Variants in RABGGTB observed in about 807,000 individuals in gnomAD.
RABGGTB encodes Rab geranylgeranyltransferase subunit beta.
In RABGGTB, 20 loss-of-function variants were observed where a neutral mutation model predicts 44.5. That is an observed-to-expected ratio of 0.45 (90% confidence interval 0.32 to 0.65). The LOEUF is 0.65. RABGGTB is among the 30% of genes least tolerant of loss of function. The pLI, the probability that RABGGTB is intolerant of heterozygous loss-of-function variation, is 0.05. For missense variants in RABGGTB, 302 were observed against 398.7 expected (o/e 0.76, Z 2.06); for synonymous variants, 128 against 136.7 (o/e 0.94, Z 0.44).
chr1:75,790,428 A>C (rs1025354082), intron 4 of RABGGTB: 30 of 1,114,130 alleles, frequency 2.7e-5, no homozygotes, highest in Non-Finnish European at 3.1e-5. Context: ...TGATAAACGT[A>C]GATAATCTCT....
At chr1:75,788,170 ATACTC>A (rs1649547135) in intron 2 of RABGGTB, 1 of 281,582 alleles carries the variant, frequency 3.6e-6, no homozygotes, top group Non-Finnish European at 7.1e-6. Flanking sequence ...AACCTTGAAA[ATACTC>A]TATTAGCAAT....
chr1:75,790,079 T>C (rs1390711310), intron 4 of RABGGTB, 22 bp downstream of exon 4: 2 of 1,610,064 alleles, frequency 1.2e-6, no homozygotes, highest in Admixed American at 1.7e-5. Context: ...TTTAGTCCAT[T>C]CTACCCAAAA....
chr1:75,794,577 C>G lies in RABGGTB; in HGVS notation c.923C>G (p.Pro308Arg), dbSNP rs893212947. The change falls in exon 9 of 9, where the codon CCT becomes CGT. Residue 308 changes from proline (P) to arginine (R), a missense_variant. By Grantham distance (103) the Pro-to-Arg change is moderately radical. Coordinates refer to ENST00000319942, the MANE Select transcript of RABGGTB (RefSeq NM_004582.4). ...CTTTTGGGAGAAGAACAGATTAAAC[C>G]TGTTAATCCTGTCTTTTGCATGCCT... is the stretch of plus-strand genomic sequence containing the variant. ...LSLLGEEQIK[P>R]VNPVFCMPEE... is the part of the protein sequence containing the mutation. 10 of 1,612,802 alleles carry G rather than the reference C, an allele frequency of 6.2e-6. No individual in the cohort carries two copies. The Admixed American group carries it at 1.2e-4, about 19-fold the overall frequency.
Position 75,789,026 on chromosome 1 carries a change from C to T in RABGGTB, c.112-133C>T, listed in dbSNP as rs1649577482. ...TTGAGCAGCACAGATTTTAAACTCACTACTGATCAGTGCTGTTAAGGTCAG... is the reference window on the plus strand; with the variant it reads ...TTGAGCAGCACAGATTTTAAACTCATTACTGATCAGTGCTGTTAAGGTCAG... On this transcript the variant is annotated intron_variant, in intron 2 of 8. Transcript: ENST00000319942. 6.9e-6 allele frequency: 5 copies of T among 720,712 alleles called. No homozygotes were observed. The East Asian group carries it at 1.1e-4, about 15-fold the overall frequency. 44.6% of individuals were successfully genotyped at this position (720,712 alleles called of 1,614,324 possible).
intron 5 of RABGGTB, 28 bp downstream of exon 5, chr1:75,791,365 AT>A: frequency 6.3e-7 from 1 of 1,595,782 alleles, no homozygotes; most frequent in Non-Finnish European, 8.6e-7. Context: ...GATTGAAATG[AT>A]TAAAGTTCAT....
chr1:75,794,388 T>TA, intron 8 of RABGGTB, 122 bp from the exon 9 acceptor site: 1 of 1,312,496 alleles, frequency 7.6e-7, no homozygotes. Flanking sequence ...AGAACAATCT[T>TA]ACAGAAATTT....
chr1:75,786,322 G>A (rs200415420), intron 1 of RABGGTB, 48 bp downstream of exon 1: 64 of 1,609,298 alleles, frequency 4.0e-5, no homozygotes, highest in Non-Finnish European at 5.4e-5. Flanking sequence ...GTAGCAGACA[G>A]GGTGGAGTAG....
At chr1:75,787,655 G>C (rs751803539) in intron 2 of RABGGTB, 51 bp downstream of exon 2, 2 of 1,388,700 alleles carry the variant, frequency 1.4e-6, no homozygotes, top group South Asian at 2.3e-5. Context: ...AAGTGTGACA[G>C]TCATAAGCAG....
At chr1:75,790,087 A>G (rs376560009) in intron 4 of RABGGTB, 30 bp downstream of exon 4, 11 of 1,607,218 alleles carry the variant, frequency 6.8e-6, no homozygotes, top group Non-Finnish European at 1.7e-6. Flanking sequence ...ATTCTACCCA[A>G]AATACCAATA....
intron 2 of RABGGTB, 24 bp downstream of exon 2, chr1:75,787,628 G>T (rs765751681): frequency 2.6e-6 from 4 of 1,562,316 alleles, no homozygotes; most frequent in Non-Finnish European, 8.8e-7. Context: ...TTTTATGTTG[G>T]AAAGTTTATT....
chr1:75,792,387 G>A (rs1649667284), intron 7 of RABGGTB, 81 bp downstream of exon 7: 1 of 1,554,834 alleles, frequency 6.4e-7, no homozygotes, highest in East Asian at 2.3e-5. Context: ...TTTCTATATT[G>A]TAAATTGGCC....
At chr1:75,788,269 G>T in intron 2 of RABGGTB, 1 of 174,344 alleles carries the variant, frequency 5.7e-6, no homozygotes, top group Non-Finnish European at 1.2e-5. Context: ...ATTTGGGTTA[G>T]TAGCAAACTA....
intron 4 of RABGGTB, among the ~76,000 whole-genome samples, 176 bp from the exon 5 acceptor site, chr1:75,791,109 C>T (rs1649635708): frequency 6.6e-6 from 1 of 152,120 alleles, no homozygotes; most frequent in African/African-American, 2.4e-5. Context: ...TTATTTTTGA[C>T]AAAGGAATTT....
chr1:75,789,604 A>G, intron 3 of RABGGTB: 1 of 690,520 alleles, frequency 1.4e-6, no homozygotes, highest in South Asian at 1.5e-5. Flanking sequence ...AGCTAAATGG[A>G]GCTATTTGAT....
chr1:75,791,260 T>A, intron 4 of RABGGTB, 25 bp from the exon 5 acceptor site: 4 of 1,589,640 alleles, frequency 2.5e-6, no homozygotes, highest in Non-Finnish European at 3.5e-6. Flanking sequence ...AACACCTGCC[T>A]TGATTTGATC....
At chr1:75,792,047 A>T in intron 6 of RABGGTB, 134 bp from the exon 7 acceptor site, 1 of 730,626 alleles carries the variant, frequency 1.4e-6, no homozygotes, top group Non-Finnish European at 2.2e-6. Context: ...TGGTATTAAT[A>T]CATGTTTGGA....
At position 75,792,300 on chromosome 1, in the gene RABGGTB, G is replaced by T; in HGVS notation, c.699G>T (p.Pro233=). ...CCTCAGGCGGGCTCAATGGAAGGCC[G>T]GAGAAGGTATTGTTTGATAAGCCAT... The part of the protein sequence containing the change: ...QLPSGGLNGR[P]EKLPDVCYSW... The change falls in exon 7 of 9, where the codon CCG becomes CCT. Residue 233 remains proline, a synonymous_variant. Coordinates refer to ENST00000319942, the MANE Select transcript of RABGGTB (RefSeq NM_004582.4). 6.2e-7 allele frequency: 1 copy of T among 1,613,674 alleles called. No homozygotes were observed. The highest frequency in any genetic ancestry group is 8.5e-7 in the Non-Finnish European group (1 of 1,179,690).
chr1:75,794,597 A>G lies in RABGGTB; in HGVS notation c.943A>G (p.Met315Val), dbSNP rs769080043. The change falls in exon 9 of 9, where the codon ATG becomes GTG. Residue 315 changes from methionine to valine, a missense_variant. Transcript: ENST00000319942. ...TAAACCTGTTAATCCTGTCTTTTGC[A>G]TGCCTGAAGAAGTGCTTCAGAGAGT... ...QIKPVNPVFC[M>V]PEEVLQRVNV... The G allele has an allele frequency of 7.4e-6, 12 of 1,613,318 alleles. No homozygotes were observed. Among genetic ancestry groups the G allele is most frequent in the Non-Finnish European group, 1.0e-5 (12 of 1,179,566 alleles).
chr1:75,791,449 TTTTG>T lies in RABGGTB; in HGVS notation c.469-6_469-3del, dbSNP rs1239768175. 7 of 1,602,304 alleles carry T rather than the reference TTTTG, an allele frequency of 4.4e-6. No homozygotes were observed. The highest frequency in any genetic ancestry group is 6.0e-6 in the Non-Finnish European group (7 of 1,175,066). On this transcript the variant is annotated splice_region_variant and splice_polypyrimidine_tract_variant and intron_variant, in intron 5 of 8. Coordinates refer to ENST00000319942, the MANE Select transcript of RABGGTB (RefSeq NM_004582.4). ...TCTGGAATTTAACAGGCATCTTTTT[TTTTG>T]TTTGTAGGGGAAGCTTGATGCTATT...
Sources: allele counts gnomAD v4.1 joint callset (sites outside exome capture counted in the v4.1 genomes callset), GRCh38; gene constraint gnomAD v4.1.1; transcripts MANE v1.5; gene names NCBI Gene and HGNC (gene_info 2026-07-23, HGNC 2026-07-21).